CASK: variants seen among roughly 807,000 people sequenced by gnomAD.
The protein encoded by CASK is peripheral plasma membrane protein CASK.
A neutral mutation model predicts 82.9 loss-of-function variants in CASK; 4 were observed. That is an observed-to-expected ratio of 0.05 (90% CI 0.02 to 0.11). CASK has a LOEUF of 0.11. Among genes scored for constraint, CASK ranks in the 10% least tolerant of loss-of-function variants. CASK has a pLI of 1.00. For missense variants in CASK, 358 were observed against 720.9 expected (o/e 0.50, Z 5.76); for synonymous variants, 259 against 253.5 (o/e 1.02, Z -0.20).
chrX:41,536,565 C>T (rs1023666222), intron 22 of CASK, among the ~76,000 whole-genome samples: 2 of 111,212 alleles, frequency 1.8e-5, no homozygotes, highest in Non-Finnish European at 3.8e-5. Flanking sequence ...TAGAATAGAA[C>T]AGAAACAAAC....
intron 2 of CASK, among the ~76,000 whole-genome samples, chrX:41,830,684 G>A (rs2070779620): frequency 9.3e-6 from 1 of 107,988 alleles, no homozygotes; most frequent in Non-Finnish European, 1.9e-5. Context: ...GCCGGGCGTG[G>A]TGGCGGGTGC....
intron 18 of CASK, chrX:41,559,570 G>A: frequency 2.3e-6 from 1 of 432,885 alleles, no homozygotes; most frequent in Non-Finnish European, 4.1e-6. Flanking sequence ...CCTGCAAAAA[G>A]TTCAAAGTGC....
intron 6 of CASK, among the ~76,000 whole-genome samples, chrX:41,670,358 T>C (rs1005865206): frequency 2.7e-5 from 3 of 112,376 alleles, no homozygotes; most frequent in African/African-American, 9.7e-5. Flanking sequence ...TTGCATATTA[T>C]TGGAAATGAT....
At chrX:41,833,227 T>C (rs138621461) in intron 2 of CASK, among the ~76,000 whole-genome samples, 2 of 111,907 alleles carry the variant, frequency 1.8e-5, no homozygotes, top group East Asian at 5.6e-4. Context: ...AGATTATATA[T>C]AACAGCTAAA....
At chrX:41,758,782 T>C (rs1489915851) in intron 3 of CASK, among the ~76,000 whole-genome samples, 1 of 112,349 alleles carries the variant, frequency 8.9e-6, no homozygotes, top group Non-Finnish European at 1.9e-5. Flanking sequence ...TGCAAGTAGA[T>C]AGAAACCTTC....
At chrX:41,548,692 C>T (rs1436471128) in intron 21 of CASK, among the ~76,000 whole-genome samples, 1 of 111,678 alleles carries the variant, frequency 9.0e-6, no homozygotes, top group East Asian at 2.8e-4. Flanking sequence ...TTAGTCAGAA[C>T]TAAAAGGCAT....
At chrX:41,660,044 T>C (rs1053302136) in intron 8 of CASK, 3 of 164,118 alleles carry the variant, frequency 1.8e-5, no homozygotes, top group Admixed American at 1.5e-4. Context: ...AGAAAATTTA[T>C]ACCTAGTATC....
At chrX:41,864,524 T>A (rs1293909023) in intron 1 of CASK, among the ~76,000 whole-genome samples, 1 of 111,964 alleles carries the variant, frequency 8.9e-6, no homozygotes, top group African/African-American at 3.3e-5. Flanking sequence ...TTGGACATGA[T>A]AATCTAAATT....
chrX:41,617,913 G>C (rs2066225829), intron 11 of CASK, among the ~76,000 whole-genome samples: 1 of 112,063 alleles, frequency 8.9e-6, no homozygotes, highest in Non-Finnish European at 1.9e-5. Context: ...TAAAACCTCT[G>C]AATAAACTTG....
intron 25 of CASK, among the ~76,000 whole-genome samples, chrX:41,525,090 C>T (rs2064693241): frequency 9.0e-6 from 1 of 111,533 alleles, no homozygotes; most frequent in South Asian, 3.8e-4. Flanking sequence ...TGCCCTGCCT[C>T]TGGTTTTGCT....
chrX:41,559,557 C>G, intron 18 of CASK: 1 of 420,446 alleles, frequency 2.4e-6, no homozygotes, highest in Non-Finnish European at 4.2e-6. Context: ...GCTCAGATTT[C>G]AGCCTGCAAA....
chrX:41,574,337 C>T (rs2065458205), intron 15 of CASK, among the ~76,000 whole-genome samples: 1 of 111,310 alleles, frequency 9.0e-6, no homozygotes, highest in South Asian at 3.8e-4. Context: ...TATGGGTCAC[C>T]TTGTTTCCTG....
At chrX:41,764,512 T>C (rs545175755) in intron 3 of CASK, among the ~76,000 whole-genome samples, 3 of 111,731 alleles carry the variant, frequency 2.7e-5, no homozygotes, top group African/African-American at 6.5e-5. Flanking sequence ...ACTCAGCATG[T>C]CCAAAGTATA....
intron 1 of CASK, among the ~76,000 whole-genome samples, chrX:41,875,273 T>C (rs746767780): frequency 8.9e-6 from 1 of 112,222 alleles, no homozygotes; most frequent in African/African-American, 3.2e-5. Context: ...TTCCTTAAGT[T>C]TCAGTGAGTC....
intron 25 of CASK, among the ~76,000 whole-genome samples, chrX:41,528,068 C>T (rs5918195): frequency 0.13 from 14,235 of 111,690 alleles, 701 homozygotes; most frequent in Middle Eastern, 0.16. Flanking sequence ...TGGGGATTTA[C>T]TGTAAAAGAA....
rs185994379 is a variant in CASK, at chrX:41,619,711, T to C, written c.1033+2906A>G. On this transcript the variant is annotated intron_variant, in intron 11 of 26. Transcript: ENST00000378163. ...AAAAGGAGGACAGAAAAATAAACAG[T>C]CAAATGTTTAGACTAAAAAGTTCTC... Among the ~76,000 whole-genome samples, 179 of 112,019 alleles carry C rather than the reference T, an allele frequency of 1.6e-3. 1 individual carries two copies. The highest frequency in any genetic ancestry group is 5.5e-3 in the African/African-American group (171 of 30,911).
At chrX:41,842,051 T>C (rs889135472) in intron 2 of CASK, among the ~76,000 whole-genome samples, 1 of 111,732 alleles carries the variant, frequency 8.9e-6, no homozygotes, top group Non-Finnish European at 1.9e-5. Context: ...TTGTATATGG[T>C]GTAGGGTAGA....
At chrX:41,816,852 G>A (rs868493224) in intron 2 of CASK, among the ~76,000 whole-genome samples, 2 of 111,344 alleles carry the variant, frequency 1.8e-5, no homozygotes, top group African/African-American at 6.5e-5. Context: ...AGAATTTTTA[G>A]TTAAAAATCG....
At chrX:41,889,420 A>G (rs763971235) in intron 1 of CASK, among the ~76,000 whole-genome samples, 2 of 109,741 alleles carry the variant, frequency 1.8e-5, no homozygotes, top group Non-Finnish European at 3.8e-5. Context: ...GCATTTTTTC[A>G]TATGCTTGCT....
Sources: gnomAD v4.1 joint callset for allele counts (sites outside exome capture counted in the v4.1 genomes callset) on GRCh38, gnomAD v4.1.1 for gene constraint, MANE v1.5 for transcripts, NCBI Gene and HGNC (gene_info 2026-07-23, HGNC 2026-07-21) for gene names.